The following CLIP2 variants were observed in gnomAD, a reference collection of about 807,000 sequenced individuals.
CLIP2 encodes CAP-Gly domain containing linker protein 2.
A neutral mutation model predicts 111.7 loss-of-function variants in CLIP2; 41 were observed. The observed-to-expected ratio is 0.37, with a 90% CI of 0.29 to 0.48. The LOEUF (loss-of-function observed/expected upper bound fraction) is 0.48, where lower values mean the gene tolerates loss of function less well. Among genes scored for constraint, CLIP2 ranks in the 20% least tolerant of loss-of-function variants. The pLI is 0.99. For synonymous variants in CLIP2, 660 were observed against 644.2 expected, an observed-to-expected ratio of 1.02 and a Z score of -0.37; for missense variants, 1,160 against 1,422.1, an observed-to-expected ratio of 0.82 and a Z score of 2.96.
At chr7:74,401,089 C>CG (rs1308508742) in intron 15 of CLIP2, among the ~76,000 whole-genome samples, 1 of 132,544 alleles carries the variant, frequency 7.5e-6, no homozygotes, top group East Asian at 2.4e-4. Context: ...AGCTCTGTCC[C>CG]GGAACCCTGG....
At chr7:74,403,813 G>A (rs782694568) in intron 16 of CLIP2, 24 bp from the exon 17 acceptor site, 2 of 1,613,044 alleles carry the variant, frequency 1.2e-6, no homozygotes, top group East Asian at 4.5e-5. Flanking sequence ...GACCCTTGCT[G>A]ATGATGCCCT....
chr7:74,325,974 C>A (rs1554730631), intron 2 of CLIP2, among the ~76,000 whole-genome samples: 1 of 151,874 alleles, frequency 6.6e-6, no homozygotes, highest in Non-Finnish European at 1.5e-5. Flanking sequence ...TATGGTGGCT[C>A]ATGCCTGTAA....
chr7:74,386,466 A>G, intron 11 of CLIP2, 55 bp from the exon 12 acceptor site: 1 of 1,472,432 alleles, frequency 6.8e-7, no homozygotes, highest in Non-Finnish European at 9.4e-7. Context: ...GGCCCTACCC[A>G]CTGCTGCTTT....
intron 3 of CLIP2, among the ~76,000 whole-genome samples, chr7:74,342,679 C>A (rs1554305583): frequency 6.6e-6 from 1 of 151,748 alleles, no homozygotes; most frequent in Non-Finnish European, 1.5e-5. Flanking sequence ...TTTGGGAGGC[C>A]GAGGTAGGCG....
chr7:74,370,809 C>T (rs1350330768), intron 8 of CLIP2, among the ~76,000 whole-genome samples: 1 of 152,070 alleles, frequency 6.6e-6, no homozygotes, highest in Non-Finnish European at 1.5e-5. Context: ...CTTCAGAACT[C>T]ACTGTAAATT....
chr7:74,300,218 C>T (rs1788290506), intron 1 of CLIP2, among the ~76,000 whole-genome samples: 2 of 151,916 alleles, frequency 1.3e-5, no homozygotes, highest in South Asian at 4.2e-4. Flanking sequence ...AACTCCTGAC[C>T]TCAAATGATT....
chr7:74,347,106 C>T (rs1214729967), intron 3 of CLIP2, among the ~76,000 whole-genome samples: 5 of 152,050 alleles, frequency 3.3e-5, no homozygotes, highest in South Asian at 2.1e-4. Context: ...CCTGCCTTGC[C>T]TGATGACTAC....
intron 1 of CLIP2, among the ~76,000 whole-genome samples, chr7:74,316,050 A>ACCCCCT (rs1788762129): frequency 1.4e-5 from 1 of 70,318 alleles, no homozygotes. Context: ...CGCCCCCACA[A>ACCCCCT]CAGGCCCCAT....
intron 13 of CLIP2, 138 bp from the exon 14 acceptor site, chr7:74,396,936 C>A (rs1791466032): frequency 1.8e-6 from 2 of 1,108,112 alleles, no homozygotes; most frequent in Non-Finnish European, 1.3e-6. Context: ...ACTGTGGCCC[C>A]TCGTGGCACA....
chr7:74,396,199 C>A (rs1791443961), intron 13 of CLIP2, among the ~76,000 whole-genome samples: 1 of 152,160 alleles, frequency 6.6e-6, no homozygotes, highest in African/African-American at 2.4e-5. Context: ...TCATAGTACT[C>A]CAGGTAGATC....
At chr7:74,317,076 T>A (rs1209255645) in intron 1 of CLIP2, among the ~76,000 whole-genome samples, 1 of 152,156 alleles carries the variant, frequency 6.6e-6, no homozygotes, top group Non-Finnish European at 1.5e-5. Flanking sequence ...TGATGGATGC[T>A]CTTGGGATAG....
intron 2 of CLIP2, among the ~76,000 whole-genome samples, chr7:74,336,727 C>T (rs573639779): frequency 6.6e-6 from 1 of 152,070 alleles, no homozygotes; most frequent in African/African-American, 2.4e-5. Flanking sequence ...GGTGAAGCAC[C>T]TGATATCTCT....
rs782141623 is a variant in CLIP2, at chr7:74,317,562, G to A, written c.16G>A (p.Gly6Ser). 11 of 1,459,626 alleles carry A rather than the reference G, an allele frequency of 7.5e-6. No homozygotes were observed. The highest frequency in any genetic ancestry group is 2.6e-5 in the East Asian group (1 of 38,220). The allele number at this position is 1,459,626 out of a possible 1,614,324, so 90.4% of individuals were successfully genotyped here. The change falls in exon 2 of 17, where the codon GGC becomes AGC. Residue 6 changes from glycine to serine, a missense_variant. Physicochemically the swap from Gly to Ser is moderately conservative, Grantham distance 56 (BLOSUM62 0). Transcript: ENST00000223398. ...TGGCACCGCCATGCAGAAGCCCAGCGGCCTGAAGCCCCCCGGCCGTGGGGG... is the reference window on the plus strand; with the variant it reads ...TGGCACCGCCATGCAGAAGCCCAGCAGCCTGAAGCCCCCCGGCCGTGGGGG... MQKPS[G>S]LKPPGRGGKH...
At chr7:74,398,072 C>T (rs1464847117) in intron 14 of CLIP2, among the ~76,000 whole-genome samples, 1 of 151,882 alleles carries the variant, frequency 6.6e-6, no homozygotes, top group Non-Finnish European at 1.5e-5. Context: ...CCATCCCCAT[C>T]CCTTGGCCAG....
intron 1 of CLIP2, among the ~76,000 whole-genome samples, chr7:74,290,313 G>A (rs1380780558): frequency 6.6e-6 from 1 of 152,254 alleles, no homozygotes; most frequent in Non-Finnish European, 1.5e-5. Flanking sequence ...TGGGGTAGGA[G>A]GAGATTGAGG....
At chr7:74,297,255 T>C (rs1052644450) in intron 1 of CLIP2, among the ~76,000 whole-genome samples, 2 of 152,132 alleles carry the variant, frequency 1.3e-5, no homozygotes, top group African/African-American at 4.8e-5. Context: ...GGAGGATTGC[T>C]TGAGCTCAGG....
intron 14 of CLIP2, among the ~76,000 whole-genome samples, chr7:74,400,034 C>T (rs1158132369): frequency 6.6e-6 from 1 of 151,286 alleles, no homozygotes; most frequent in South Asian, 2.1e-4. Context: ...GGGCCCCTCC[C>T]AGCTACTCAG....
chr7:74,336,851 G>T (rs13233957), intron 2 of CLIP2, among the ~76,000 whole-genome samples: 34 of 21,592 alleles, frequency 1.6e-3, no homozygotes, highest in South Asian at 0.01. Flanking sequence ...ATGGTTGTTT[G>T]TTTTTTTTGT....
intron 2 of CLIP2, among the ~76,000 whole-genome samples, chr7:74,328,875 C>T (rs1026775478): frequency 2.0e-5 from 3 of 151,136 alleles, no homozygotes; most frequent in Non-Finnish European, 2.9e-5. Flanking sequence ...GTAGCTGGTG[C>T]GCACCACCAT....
Sources: gnomAD v4.1 joint callset for allele counts (sites outside exome capture counted in the v4.1 genomes callset) on GRCh38, gnomAD v4.1.1 for gene constraint, MANE v1.5 for transcripts, NCBI Gene and HGNC (gene_info 2026-07-23, HGNC 2026-07-21) for gene names.